The following OPRM1 variants were observed in gnomAD, a reference collection of about 807,000 sequenced individuals.
OPRM1 encodes opioid receptor mu 1.
OPRM1 carries 27 observed loss-of-function variants against 31.8 expected under a neutral mutation model. That is an observed-to-expected ratio of 0.85 (90% confidence interval 0.63 to 1.17). The LOEUF (loss-of-function observed/expected upper bound fraction) is 1.17, where lower values mean the gene tolerates loss of function less well. Ranked by LOEUF, OPRM1 falls within the 50% of genes most tolerant of loss-of-function variation. The probability of loss-of-function intolerance (pLI) is 0.00; values close to 1 mark genes in which losing one functional copy is unlikely to be tolerated. For synonymous variants in OPRM1, 196 were observed against 189.9 expected (o/e 1.03, Z -0.26); for missense variants, 536 against 511.1 (o/e 1.05, Z -0.47).
intron 3 of OPRM1, among the ~76,000 whole-genome samples, chr6:154,092,821 A>G (rs553964741): frequency 1.3e-5 from 2 of 152,294 alleles, no homozygotes; most frequent in South Asian, 4.1e-4. Flanking sequence ...CCCCCTAGAG[A>G]GCATGAGGTA....
At chr6:154,151,382 C>G (rs922361188) in intron 3 of OPRM1, among the ~76,000 whole-genome samples, 1 of 152,184 alleles carries the variant, frequency 6.6e-6, no homozygotes, top group East Asian at 1.9e-4. Flanking sequence ...GAGCACACAT[C>G]CTACCACAGA....
rs139944762 is a variant in OPRM1, at chr6:154,087,566, C to T, written c.291-2260C>T. ...GCTCCTCCAGCAACTACATACCATG[C>T]GTCTTCTCAGGTGTGGGTCCTGCAG... On this transcript the variant is annotated intron_variant, in intron 1 of 3. Transcript: ENST00000330432. The T allele has an allele frequency of 4.2e-4, 413 of 985,438 alleles. 3 individuals carry two copies. The African/African-American group carries it at 6.3e-3, about 15-fold the overall frequency. The allele number at this position is 985,438 out of a possible 1,614,324, so 61.0% of individuals were successfully genotyped here.
intron 1 of OPRM1, among the ~76,000 whole-genome samples, chr6:154,012,152 G>A (rs1459840907): frequency 6.6e-6 from 1 of 152,182 alleles, no homozygotes; most frequent in Admixed American, 6.5e-5. Flanking sequence ...CTAAATAATA[G>A]AAGTGTAACA....
In OPRM1 at chr6:154,093,776, A is replaced by T. The variant is rs181551724; in HGVS notation, c.1164+2304A>T. On this transcript the variant is annotated intron_variant, in intron 3 of 3. Coordinates refer to ENST00000330432, the MANE Select transcript of OPRM1 (RefSeq NM_000914.5). ...GAGGGAAAGATGCTCTGACATATTTAAAAATTAAGATAAATCAAAGCTCCC... is the reference window on the plus strand; with the variant it reads ...GAGGGAAAGATGCTCTGACATATTTTAAAATTAAGATAAATCAAAGCTCCC... 2.0e-5 allele frequency among the ~76,000 whole-genome samples: 3 copies of T among 152,364 alleles called. No homozygotes were observed. The East Asian group carries it at 5.8e-4, about 29-fold the overall frequency.
chr6:154,022,638 G>A (rs532775501), intron 1 of OPRM1, among the ~76,000 whole-genome samples: 10 of 152,228 alleles, frequency 6.6e-5, no homozygotes, highest in South Asian at 2.1e-4. Context: ...TGAGACCAAC[G>A]TCCTTGAAAG....
At chr6:154,077,871 T>C (rs1338786681) in intron 1 of OPRM1, among the ~76,000 whole-genome samples, 2 of 151,038 alleles carry the variant, frequency 1.3e-5, no homozygotes, top group Admixed American at 6.6e-5. Flanking sequence ...TCACACCCCA[T>C]CTACTTTTTT....
intron 3 of OPRM1, among the ~76,000 whole-genome samples, chr6:154,243,816 C>T (rs1034019957): frequency 1.3e-5 from 2 of 152,156 alleles, no homozygotes; most frequent in African/African-American, 4.8e-5. Flanking sequence ...GGACAATTGA[C>T]GCAATCTCTC....
At chr6:154,024,017 T>G (rs1049432938) in intron 1 of OPRM1, among the ~76,000 whole-genome samples, 1 of 152,092 alleles carries the variant, frequency 6.6e-6, no homozygotes, top group African/African-American at 2.4e-5. Flanking sequence ...GTGCTGTGTC[T>G]TTGTCCTGTT....
At chr6:154,017,584 C>G (rs562741324) in intron 1 of OPRM1, among the ~76,000 whole-genome samples, 1 of 152,094 alleles carries the variant, frequency 6.6e-6, no homozygotes, top group Non-Finnish European at 1.5e-5. Context: ...AAGGAAAGTA[C>G]CCAATACACT....
Position 154,124,853 on chromosome 6 carries a change from A to G in OPRM1, c.*6132A>G, listed in dbSNP as rs754328342. On this transcript the variant is annotated 3_prime_UTR_variant, in exon 4 of 4. Transcript: ENST00000330432. ...TTATTTGCCAACACACCTTGCTGCT[A>G]CTTAGAGAAAGTAGTTCACCTCACT... 5.9e-5 allele frequency among the ~76,000 whole-genome samples: 9 copies of G among 152,234 alleles called. No individual in the cohort carries two copies. The highest frequency in any genetic ancestry group is 1.3e-4 in the Non-Finnish European group (9 of 68,038).
chr6:154,084,851 C>G (rs979918708), intron 1 of OPRM1, among the ~76,000 whole-genome samples: 1 of 151,638 alleles, frequency 6.6e-6, no homozygotes, highest in Non-Finnish European at 1.5e-5. Flanking sequence ...CGTCCATCAC[C>G]ATTGACTCTA....
intron 3 of OPRM1, among the ~76,000 whole-genome samples, chr6:154,115,098 G>A (rs1293866248): frequency 6.6e-6 from 1 of 152,168 alleles, no homozygotes; most frequent in East Asian, 1.9e-4. Context: ...AAACAGCTCT[G>A]CCTAGTGGAT....
intron 3 of OPRM1, among the ~76,000 whole-genome samples, chr6:154,144,202 C>T (rs931398882): frequency 1.3e-5 from 2 of 152,070 alleles, no homozygotes; most frequent in Non-Finnish European, 2.9e-5. Flanking sequence ...AAAATGTCTC[C>T]AAGCCCAGAT....
chr6:154,111,283 T>C lies in OPRM1; in HGVS notation c.1165-7400T>C, dbSNP rs3798687. 6.9e-4 allele frequency among the ~76,000 whole-genome samples: 105 copies of C among 152,314 alleles called. 1 individual carries two copies. The East Asian group carries it at 0.014, about 20-fold the overall frequency. On this transcript the variant is annotated intron_variant, in intron 3 of 3. Transcript: ENST00000330432. The stretch of plus-strand genomic sequence containing the variant: ...AGTCATCAGCTCCCAAGGTTTTCTG[T>C]ATGGCTCTGTTTTTATGATTTCTGT...
At chr6:154,053,853 A>C (rs1285746420) in intron 1 of OPRM1, among the ~76,000 whole-genome samples, 1 of 152,174 alleles carries the variant, frequency 6.6e-6, no homozygotes, top group East Asian at 1.9e-4. Context: ...TCCACTGCAA[A>C]ATTTTATAAT....
chr6:154,199,397 G>C (rs1048857306), intron 3 of OPRM1, among the ~76,000 whole-genome samples: 1 of 152,162 alleles, frequency 6.6e-6, no homozygotes, highest in African/African-American at 2.4e-5. Context: ...TTCTCCGATT[G>C]GTGGAAAAGT....
chr6:154,018,825 C>T (rs1339029859), intron 1 of OPRM1, among the ~76,000 whole-genome samples: 4 of 152,196 alleles, frequency 2.6e-5, no homozygotes, highest in Non-Finnish European at 5.9e-5. Flanking sequence ...TTCCTTATAT[C>T]CAGCATTAGA....
chr6:154,077,766 CAAAA>C (rs1788196364), intron 1 of OPRM1, among the ~76,000 whole-genome samples: 1 of 151,846 alleles, frequency 6.6e-6, no homozygotes, highest in Non-Finnish European at 1.5e-5. Context: ...TTAACTAAAA[CAAAA>C]GAAATTCTTT....
intron 1 of OPRM1, among the ~76,000 whole-genome samples, chr6:154,015,198 G>GA (rs1410599416): frequency 1.3e-5 from 2 of 151,840 alleles, no homozygotes; most frequent in African/African-American, 2.4e-5. Context: ...GTTCATTTGG[G>GA]AAAAAAAGCA....
Sources: allele counts gnomAD v4.1 joint callset (sites outside exome capture counted in the v4.1 genomes callset), GRCh38; gene constraint gnomAD v4.1.1; transcripts MANE v1.5; gene names NCBI Gene and HGNC (gene_info 2026-07-23, HGNC 2026-07-21).